The following ARAP1 variants were observed in gnomAD, a reference collection of about 807,000 sequenced individuals.
The protein encoded by ARAP1 is arf-GAP with Rho-GAP domain, ANK repeat and PH domain-containing protein 1.
ARAP1 carries 76 observed loss-of-function variants against 172.2 expected under a neutral mutation model. The ratio of observed to expected loss-of-function variants is 0.44; its 90% CI spans 0.37 to 0.53. The LOEUF is 0.53. ARAP1 is among the 20% of genes least tolerant of loss of function. ARAP1 has a pLI of 0.00. For missense variants in ARAP1, 1,686 were observed against 1,977.5 expected (o/e 0.85, Z 2.80); for synonymous variants, 804 against 803.3 (o/e 1.00, Z -0.01).
rs1858364351 is a variant in ARAP1, at chr11:72,746,347, AC to A, written c.-128+5980del. Among the ~76,000 whole-genome samples the A allele has an allele frequency of 2.6e-5, 4 of 152,186 alleles. No individual in the cohort carries two copies. In the South Asian group the frequency reaches 8.3e-4, roughly 32 times the overall value. On this transcript the variant is annotated intron_variant, in intron 1 of 34. Coordinates refer to ENST00000393609, the MANE Select transcript of ARAP1 (RefSeq NM_001040118.3). The stretch of plus-strand genomic sequence containing the variant: ...GCTGGGGGTGGTAGATGCAGGGAGC[AC>A]CCGGCACCTGGAGACCAGCTGTGCC...
At chr11:72,738,231 CAGA>C (rs1278450530) in intron 1 of ARAP1, among the ~76,000 whole-genome samples, 1 of 152,150 alleles carries the variant, frequency 6.6e-6, no homozygotes, top group Non-Finnish European at 1.5e-5. Flanking sequence ...GGGGTGGGAA[CAGA>C]AGATGTTTAG....
intron 3 of ARAP1, 31 bp from the exon 4 acceptor site, chr11:72,714,352 A>C: frequency 6.5e-7 from 1 of 1,539,378 alleles, no homozygotes; most frequent in Non-Finnish European, 8.8e-7. Context: ...GGGCATCACT[A>C]AGCAACAGAG....
At chr11:72,686,967 C>T (rs1395292129) in intron 33 of ARAP1, among the ~76,000 whole-genome samples, 1 of 152,228 alleles carries the variant, frequency 6.6e-6, no homozygotes, top group East Asian at 1.9e-4. Context: ...TGACTTCCAG[C>T]ACTCCTGGCT....
chr11:72,742,953 T>C (rs1424177694), intron 1 of ARAP1, among the ~76,000 whole-genome samples: 1 of 152,178 alleles, frequency 6.6e-6, no homozygotes, highest in Non-Finnish European at 1.5e-5. Context: ...GAGCTCCTTC[T>C]GGCTGGAATG....
chr11:72,702,295 C>T (rs1032169450), intron 15 of ARAP1, among the ~76,000 whole-genome samples: 1 of 152,152 alleles, frequency 6.6e-6, no homozygotes, highest in African/African-American at 2.4e-5. Flanking sequence ...GCCCAGTGTG[C>T]CCCGCCCACC....
At position 72,697,178 on chromosome 11, in the gene ARAP1, T is replaced by C; in HGVS notation, c.2971A>G (p.Ile991Val). ...ITQCGLTSEG[I>V]YRKCGQTSKT... ...GATGTCTGCCCACACTTGCGGTAGA[T>C]GCCCTCGGAGGTCAGGCCTAGGGAG... Residue 991 changes from isoleucine (I) to valine (V), a missense_variant, in exon 22 of 35, where the codon ATC becomes GTC. Physicochemically the swap from Ile to Val is conservative, Grantham distance 29. Around this residue, in one of 5 missense-constraint regions of ARAP1, gnomAD observed 274 missense variants for 262.7 expected, o/e 1.04. Coordinates refer to ENST00000393609, the MANE Select transcript of ARAP1 (RefSeq NM_001040118.3). 6.3e-7 allele frequency: 1 copy of C among 1,598,288 alleles called. No homozygotes were observed.
At chr11:72,722,468 G>T in intron 3 of ARAP1, 1 of 588,752 alleles carries the variant, frequency 1.7e-6, no homozygotes, top group Non-Finnish European at 2.1e-6. Flanking sequence ...GGCCCTCACA[G>T]GGTGGATGCC....
At position 72,693,499 on chromosome 11, in the gene ARAP1, G is replaced by A. The variant is rs1856031090; in HGVS notation, c.3809-29C>T. The A allele has an allele frequency of 1.2e-6, 2 of 1,602,672 alleles. No homozygotes were observed. The highest frequency in any genetic ancestry group is 1.1e-5 in the South Asian group (1 of 90,260). Reference sequence around the variant, plus strand: ...GGGGGTGGGACTGGAGTGGGCACAGGCTGCACCAACCCCTACCCGGGGCTG... The same window carrying A: ...GGGGGTGGGACTGGAGTGGGCACAGACTGCACCAACCCCTACCCGGGGCTG... On this transcript the variant is annotated intron_variant, in intron 28 of 34. Transcript: ENST00000393609. The surrounding 1 kb of genome is among the most constrained non-coding windows in gnomAD (Gnocchi z 4.6).
chr11:72,687,349 G>T (rs577004959), intron 33 of ARAP1, 90 bp downstream of exon 33: 7 of 1,489,988 alleles, frequency 4.7e-6, no homozygotes, highest in Middle Eastern at 3.4e-4. Context: ...AGCAAGGGGT[G>T]GGTTGAATAG....
intron 18 of ARAP1, 43 bp downstream of exon 18, chr11:72,698,962 C>T (rs1478667907): frequency 6.2e-7 from 1 of 1,601,430 alleles, no homozygotes; most frequent in Non-Finnish European, 8.6e-7. Flanking sequence ...CCCACCTTCC[C>T]CAGTCAGACA....
chr11:72,722,687 G>C (rs1056652744), intron 3 of ARAP1, among the ~76,000 whole-genome samples: 29 of 152,170 alleles, frequency 1.9e-4, no homozygotes, highest in African/African-American at 6.8e-4. Context: ...GCTCCAGCTG[G>C]GCAGCTGCCT....
intron 15 of ARAP1, 47 bp from the exon 16 acceptor site, chr11:72,701,830 G>A (rs1372932711): frequency 6.2e-7 from 1 of 1,601,438 alleles, no homozygotes; most frequent in African/African-American, 1.3e-5. Context: ...CCACCCAAGA[G>A]GGTGTCCCCA....
At chr11:72,749,979 C>T (rs1858487485) in intron 1 of ARAP1, among the ~76,000 whole-genome samples, 1 of 152,100 alleles carries the variant, frequency 6.6e-6, no homozygotes, top group Non-Finnish European at 1.5e-5. Context: ...TGTGATCCTA[C>T]CCTCATCTCT....
intron 3 of ARAP1, among the ~76,000 whole-genome samples, chr11:72,715,679 T>C (rs1037193548): frequency 6.6e-6 from 1 of 151,252 alleles, no homozygotes; most frequent in African/African-American, 2.4e-5. Flanking sequence ...CAAGTGATCC[T>C]CTGACTTCAG....
At chr11:72,732,351 C>T (rs1374178681) in intron 2 of ARAP1, among the ~76,000 whole-genome samples, 164 bp downstream of exon 2, 3 of 152,182 alleles carry the variant, frequency 2.0e-5, no homozygotes, top group Non-Finnish European at 4.4e-5. Context: ...CTGGGAGGCT[C>T]GTAGCAAGCT....
At chr11:72,752,096 G>A (rs1317502028) in intron 1 of ARAP1, among the ~76,000 whole-genome samples, 1 of 152,240 alleles carries the variant, frequency 6.6e-6, no homozygotes, top group African/African-American at 2.4e-5. Flanking sequence ...AAGGGCTACG[G>A]GCTGGAAGCC....
At chr11:72,728,090 T>C (rs1183781783) in intron 2 of ARAP1, among the ~76,000 whole-genome samples, 2 of 152,244 alleles carry the variant, frequency 1.3e-5, no homozygotes, top group African/African-American at 4.8e-5. Context: ...AGAATATCCA[T>C]TTTACTGTTG....
At chr11:72,705,979 G>A (rs1856740536) in intron 12 of ARAP1, 89 bp from the exon 13 acceptor site, 1 of 1,370,992 alleles carries the variant, frequency 7.3e-7, no homozygotes, top group Non-Finnish European at 1.0e-6. Flanking sequence ...GGACAGGCAG[G>A]GATGAGAGGC....
chr11:72,701,332 G>A (rs1054807431), intron 16 of ARAP1, among the ~76,000 whole-genome samples: 1 of 152,062 alleles, frequency 6.6e-6, no homozygotes, highest in Non-Finnish European at 1.5e-5. Flanking sequence ...TAGGGCTTTC[G>A]TTCAGTCCTC....
Sources: gnomAD v4.1 joint callset for allele counts (sites outside exome capture counted in the v4.1 genomes callset) on GRCh38, gnomAD v4.1.1 for gene constraint, gnomAD v4.1.1 regional missense constraint, Gnocchi (gnomAD v3.1) non-coding constraint, MANE v1.5 for transcripts, NCBI Gene and HGNC (gene_info 2026-07-23, HGNC 2026-07-21) for gene names.